The following LMO3 variants were observed in gnomAD, a reference collection of about 807,000 sequenced individuals.
LMO3 encodes the protein LIM domain only protein 3.
A neutral mutation model predicts 15.8 loss-of-function variants in LMO3; 2 were observed. That is an observed-to-expected ratio of 0.13 (90% CI 0.05 to 0.40). The LOEUF is 0.40. Ranked by LOEUF, LMO3 falls within the 10% of genes least tolerant of loss-of-function variation. The probability of loss-of-function intolerance (pLI) is 0.99; values close to 1 mark genes in which losing one functional copy is unlikely to be tolerated. For synonymous variants in LMO3, 62 were observed against 63.8 expected, an observed-to-expected ratio of 0.97 and a Z score of 0.13; for missense variants, 86 against 182.2, an observed-to-expected ratio of 0.47 and a Z score of 3.04.
At chr12:16,554,495 CT>C (rs1186991416) in intron 3 of LMO3, among the ~76,000 whole-genome samples, 1 of 152,160 alleles carries the variant, frequency 6.6e-6, no homozygotes, top group Admixed American at 6.5e-5. Context: ...CATTCCTCCA[CT>C]ATACACCTGT....
At chr12:16,605,900 C>G in intron 1 of LMO3, 166 bp downstream of exon 1, 8 of 1,412,972 alleles carry the variant, frequency 5.7e-6, no homozygotes, top group Non-Finnish European at 7.7e-6. Context: ...AGAGCTGCAG[C>G]CCGAGTGAAA....
At chr12:16,574,499 AT>A (rs1482052203) in intron 2 of LMO3, among the ~76,000 whole-genome samples, 1 of 152,180 alleles carries the variant, frequency 6.6e-6, no homozygotes, top group East Asian at 1.9e-4. Flanking sequence ...ATTACTTGGT[AT>A]TTTTTCTTAT....
intron 2 of LMO3, among the ~76,000 whole-genome samples, chr12:16,562,486 A>G (rs944151263): frequency 2.0e-5 from 3 of 152,178 alleles, no homozygotes; most frequent in Non-Finnish European, 4.4e-5. Context: ...CCCCATTTCA[A>G]TTGCTCTCGC....
In LMO3 at chr12:16,559,196, AAAATCTATCAAGTGTTCTAAT is replaced by A. The variant is rs1219996348; in HGVS notation, c.332+1196_332+1216del. ...GAAAGTCAGTGAATTCATTTTCATT[AAAATCTATCAAGTGTTCTAAT>A]TTTTGAAATGTTGTATTTTTAATAC... is the stretch of plus-strand genomic sequence containing the variant. On this transcript the variant is annotated intron_variant, in intron 3 of 3. Coordinates refer to ENST00000537304, the MANE Select transcript of LMO3 (RefSeq NM_018640.5). This position sits in a 1 kb window ranked among gnomAD's most constrained non-coding sequence, Gnocchi z 4.1. Among the ~76,000 whole-genome samples, 3 of 152,234 alleles carry A rather than the reference AAAATCTATCAAGTGTTCTAAT, an allele frequency of 2.0e-5. No homozygotes were observed. Among genetic ancestry groups the A allele is most frequent in the Non-Finnish European group, 4.4e-5 (3 of 68,028 alleles).
At position 16,589,817 on chromosome 12, in the gene LMO3, A is replaced by AG. The variant is rs1174410361; in HGVS notation, c.206+10837dup. Among the ~76,000 whole-genome samples the AG allele has an allele frequency of 6.6e-6, 1 of 152,092 alleles. No individual in the cohort carries two copies. The highest frequency in any genetic ancestry group is 2.4e-5 in the African/African-American group (1 of 41,400). On this transcript the variant is annotated intron_variant, in intron 2 of 3. Transcript: ENST00000537304. The surrounding 1 kb of genome is among the most constrained non-coding windows in gnomAD (Gnocchi z 4.2). ...GAAAAGCATCTGCCAGGAAGAACAG[A>AG]GGGGGACTGTTAGAAATTGTAACAG...
intron 2 of LMO3, among the ~76,000 whole-genome samples, chr12:16,579,173 G>T (rs1943085624): frequency 6.6e-6 from 1 of 151,858 alleles, no homozygotes; most frequent in Admixed American, 6.6e-5. Flanking sequence ...GCATTAAATT[G>T]TATATATATA....
chr12:16,564,594 AT>A (rs1942525630), intron 2 of LMO3, among the ~76,000 whole-genome samples: 1 of 152,148 alleles, frequency 6.6e-6, no homozygotes, highest in South Asian at 2.1e-4. Context: ...GTTTCTATAG[AT>A]TTTTTTAACC....
chr12:16,583,270 G>A (rs1372367757), intron 2 of LMO3, among the ~76,000 whole-genome samples: 1 of 152,098 alleles, frequency 6.6e-6, no homozygotes, highest in Non-Finnish European at 1.5e-5. Flanking sequence ...GGAGTGCAAA[G>A]GAGGTTGAGG....
At chr12:16,566,903 A>G (rs1942637173) in intron 2 of LMO3, among the ~76,000 whole-genome samples, 1 of 152,204 alleles carries the variant, frequency 6.6e-6, no homozygotes, top group African/African-American at 2.4e-5. Flanking sequence ...CCTAACTACA[A>G]TTTCAGTAAA....
At chr12:16,605,874 A>T (rs552046502) in intron 1 of LMO3, 192 bp downstream of exon 1, 599 of 1,508,836 alleles carry the variant, frequency 4.0e-4, no homozygotes, top group Middle Eastern at 2.4e-3. Context: ...CATGATTTAA[A>T]CAAAACCGTC....
At chr12:16,568,488 A>G (rs943548724) in intron 2 of LMO3, among the ~76,000 whole-genome samples, 1 of 152,188 alleles carries the variant, frequency 6.6e-6, no homozygotes, top group African/African-American at 2.4e-5. Context: ...GCTGACCAGC[A>G]TTTTAGCCAC....
chr12:16,604,747 CAAT>C lies in LMO3; in HGVS notation c.-9+1316_-9+1318del, dbSNP rs200563996. The C allele has an allele frequency of 2.2e-4, 244 of 1,122,576 alleles. 1 individual carries two copies. The East Asian group carries it at 4.7e-3, about 21-fold the overall frequency. The allele number at this position is 1,122,576 out of a possible 1,614,324, so 69.5% of individuals were successfully genotyped here. ...CAGCAGTCTTTCAAAGCAGTTACAACAATAATATTTCGGTTCTTTCAGAAAGAC... is the reference window on the plus strand; with the variant it reads ...CAGCAGTCTTTCAAAGCAGTTACAACAATATTTCGGTTCTTTCAGAAAGAC... On this transcript the variant is annotated intron_variant, in intron 1 of 3. Coordinates refer to ENST00000537304, the MANE Select transcript of LMO3 (RefSeq NM_018640.5). The surrounding 1 kb of genome is among the most constrained non-coding windows in gnomAD (Gnocchi z 5.3).
At chr12:16,571,005 C>T (rs1177738291) in intron 2 of LMO3, among the ~76,000 whole-genome samples, 1 of 151,932 alleles carries the variant, frequency 6.6e-6, no homozygotes, top group African/African-American at 2.4e-5. Flanking sequence ...GCACATTGTG[C>T]ACATGTACCC....
At position 16,583,445 on chromosome 12, in the gene LMO3, A is replaced by T. The variant is rs552698131; in HGVS notation, c.206+17210T>A. Among the ~76,000 whole-genome samples the T allele has an allele frequency of 2.6e-5, 4 of 152,364 alleles. No homozygotes were observed. The South Asian group carries it at 8.3e-4, about 32-fold the overall frequency. ...CAGTCAAGTAATTGTAGAAAAGAAG[A>T]TACTAAAGACTGAAGAAAAACAAGT... On this transcript the variant is annotated intron_variant, in intron 2 of 3. Coordinates refer to ENST00000537304, the MANE Select transcript of LMO3 (RefSeq NM_018640.5).
intron 2 of LMO3, among the ~76,000 whole-genome samples, chr12:16,580,365 C>A (rs1321450328): frequency 3.3e-5 from 5 of 152,138 alleles, no homozygotes; most frequent in Non-Finnish European, 5.9e-5. Context: ...TGCAACCAAC[C>A]AAATGAAGTA....
chr12:16,577,985 C>G (rs1943045587), intron 2 of LMO3, among the ~76,000 whole-genome samples: 1 of 152,122 alleles, frequency 6.6e-6, no homozygotes, highest in Non-Finnish European at 1.5e-5. Flanking sequence ...TTTTGTCTGG[C>G]AACACTACAA....
intron 2 of LMO3, among the ~76,000 whole-genome samples, chr12:16,561,034 G>A (rs771691892): frequency 1.2e-4 from 18 of 151,990 alleles, no homozygotes; most frequent in African/African-American, 2.7e-4. Context: ...ACATAGAGGC[G>A]CATGCATGCA....
intron 2 of LMO3, among the ~76,000 whole-genome samples, chr12:16,595,225 C>T (rs887655184): frequency 1.4e-4 from 21 of 150,984 alleles, no homozygotes; most frequent in Non-Finnish European, 2.5e-4. Flanking sequence ...CGTGAAATTT[C>T]CAGTGAAACT....
intron 2 of LMO3, among the ~76,000 whole-genome samples, chr12:16,562,252 G>A (rs1264576258): frequency 6.6e-6 from 1 of 152,068 alleles, no homozygotes; most frequent in Non-Finnish European, 1.5e-5. Context: ...CTGCTTAGGA[G>A]ATCTGCTTAG....
Sources: gnomAD v4.1 joint callset for allele counts (sites outside exome capture counted in the v4.1 genomes callset) on GRCh38, gnomAD v4.1.1 for gene constraint, Gnocchi (gnomAD v3.1) non-coding constraint, MANE v1.5 for transcripts, NCBI Gene and HGNC (gene_info 2026-07-23, HGNC 2026-07-21) for gene names.